RCL1: variants seen among roughly 807,000 people sequenced by gnomAD.
RCL1 encodes the protein RNA 3'-terminal phosphate cyclase-like protein.
A neutral mutation model predicts 42.4 loss-of-function variants in RCL1; 24 were observed. The observed-to-expected ratio is 0.57, with a 90% confidence interval of 0.41 to 0.80. The LOEUF (loss-of-function observed/expected upper bound fraction) is 0.80, where lower values mean the gene tolerates loss of function less well. RCL1 is among the 30% of genes least tolerant of loss of function. The pLI, the probability that RCL1 is intolerant of heterozygous loss-of-function variation, is 0.00. For synonymous variants in RCL1, 228 were observed against 177.3 expected, an observed-to-expected ratio of 1.29 and a Z score of -2.27; for missense variants, 578 against 467.9, an observed-to-expected ratio of 1.24 and a Z score of -2.17.
chr9:4,814,147 T>A (rs184011162), intron 1 of RCL1, among the ~76,000 whole-genome samples: 3 of 151,788 alleles, frequency 2.0e-5, no homozygotes, highest in East Asian at 1.9e-4. Flanking sequence ...AAGTATAATT[T>A]AAAAAAATAC....
At chr9:4,806,179 A>G (rs1198247721) in intron 1 of RCL1, among the ~76,000 whole-genome samples, 1 of 151,702 alleles carries the variant, frequency 6.6e-6, no homozygotes, top group African/African-American at 2.4e-5. Flanking sequence ...CATGTTGTCT[A>G]CAAATAGTAA....
chr9:4,851,098 A>T (rs531761936), intron 8 of RCL1, among the ~76,000 whole-genome samples: 1 of 152,074 alleles, frequency 6.6e-6, no homozygotes, highest in Non-Finnish European at 1.5e-5. Context: ...AGCTTTGCAG[A>T]GATGCTCAAG....
intron 1 of RCL1, among the ~76,000 whole-genome samples, chr9:4,817,611 C>T (rs1474317703): frequency 6.6e-6 from 1 of 151,914 alleles, no homozygotes; most frequent in African/African-American, 2.4e-5. Context: ...CAACCCTGCC[C>T]CCCTGAGTAG....
At chr9:4,834,080 G>C (rs982951603) in intron 4 of RCL1, 61 bp from the exon 5 acceptor site, 1 of 1,570,850 alleles carries the variant, frequency 6.4e-7, no homozygotes, top group Non-Finnish European at 8.7e-7. Context: ...CCTGGGCAGG[G>C]TGTCAGGGTA....
At chr9:4,806,355 T>A (rs539710270) in intron 1 of RCL1, among the ~76,000 whole-genome samples, 26 of 152,196 alleles carry the variant, frequency 1.7e-4, no homozygotes, top group African/African-American at 5.3e-4. Context: ...GTTAGCTATA[T>A]GTTTTATGTA....
At chr9:4,854,221 T>C (rs1301760801) in intron 8 of RCL1, among the ~76,000 whole-genome samples, 2 of 152,186 alleles carry the variant, frequency 1.3e-5, no homozygotes, top group Non-Finnish European at 2.9e-5. Flanking sequence ...CTCCTGACAG[T>C]GCAGCTAGCC....
intron 1 of RCL1, among the ~76,000 whole-genome samples, chr9:4,800,115 A>C (rs538735484): frequency 2.0e-5 from 3 of 152,266 alleles, no homozygotes; most frequent in Admixed American, 6.5e-5. Flanking sequence ...AAAAGATCAC[A>C]AGTCTTTTTA....
chr9:4,837,606 G>A (rs111640192), intron 5 of RCL1, among the ~76,000 whole-genome samples: 84 of 152,332 alleles, frequency 5.5e-4, no homozygotes, highest in African/African-American at 1.9e-3. Flanking sequence ...TTTCATCACA[G>A]TGGGGTCCCC....
chr9:4,850,142 A>G (rs1188067263), intron 8 of RCL1, among the ~76,000 whole-genome samples: 1 of 152,198 alleles, frequency 6.6e-6, no homozygotes, highest in Admixed American at 6.5e-5. Flanking sequence ...AGCATTTCCT[A>G]TTGATAGTAA....
chr9:4,844,968 G>A (rs1211560068), intron 7 of RCL1, among the ~76,000 whole-genome samples: 6 of 152,178 alleles, frequency 3.9e-5, no homozygotes, highest in African/African-American at 2.4e-5. Flanking sequence ...AAAAAAGGAA[G>A]CAGGTAAGGT....
At position 4,801,903 on chromosome 9, in the gene RCL1, C is replaced by T. The variant is rs529586282; in HGVS notation, c.136+8676C>T. Among the ~76,000 whole-genome samples, 283 of 151,562 alleles carry T rather than the reference C, an allele frequency of 1.9e-3. 1 individual carries two copies. Among genetic ancestry groups the T allele is most frequent in the Non-Finnish European group, 3.3e-3 (226 of 67,872 alleles). Reference sequence around the variant, plus strand: ...TTTATATGTCTGTCTCTTGCCAACACGACACAGTCTTTTTTTCTTTTTTTT... The same window carrying T: ...TTTATATGTCTGTCTCTTGCCAACATGACACAGTCTTTTTTTCTTTTTTTT... On this transcript the variant is annotated intron_variant, in intron 1 of 8. Transcript: ENST00000381750.
intron 8 of RCL1, among the ~76,000 whole-genome samples, chr9:4,859,023 A>G (rs1818064621): frequency 1.3e-5 from 2 of 152,162 alleles, no homozygotes; most frequent in African/African-American, 2.4e-5. Flanking sequence ...CCATATGGAC[A>G]TTTCCTACCA....
chr9:4,808,636 A>G (rs1718800186), intron 1 of RCL1, among the ~76,000 whole-genome samples: 1 of 152,150 alleles, frequency 6.6e-6, no homozygotes, highest in East Asian at 1.9e-4. Flanking sequence ...ATGCTCTAGT[A>G]AAATAGGGAT....
At position 4,860,343 on chromosome 9, in the gene RCL1, C is replaced by T. The variant is rs1818131317; in HGVS notation, c.*68C>T. ...GAAGCTGCCACGGACACCAATGGGA[C>T]CAAGTCCAAATGGATTAATCCAGGA... On this transcript the variant is annotated 3_prime_UTR_variant, in exon 9 of 9. Transcript: ENST00000381750. 2.6e-6 allele frequency: 4 copies of T among 1,535,114 alleles called. No homozygotes were observed. The highest frequency in any genetic ancestry group is 3.5e-6 in the Non-Finnish European group (4 of 1,132,480).
intron 1 of RCL1, among the ~76,000 whole-genome samples, chr9:4,820,741 A>G (rs765395068): frequency 9.2e-5 from 14 of 152,226 alleles, no homozygotes; most frequent in Non-Finnish European, 2.1e-4. Context: ...TATAAACCTA[A>G]GTAGAAAGTG....
rs74453103 is a variant in RCL1, at chr9:4,838,861, A to T, written c.585-2371A>T. Among the ~76,000 whole-genome samples, 449 of 152,328 alleles carry T rather than the reference A, an allele frequency of 2.9e-3. 2 individuals are homozygous for T. The highest frequency in any genetic ancestry group is 8.3e-3 in the African/African-American group (347 of 41,576). ...ATAAGAACCTCTGCTTGGGATTTGA[A>T]TCTTGGATAAGTAATAAAGAAAAGC... On this transcript the variant is annotated intron_variant, in intron 5 of 8. Transcript: ENST00000381750.
intron 1 of RCL1, among the ~76,000 whole-genome samples, chr9:4,805,236 C>A (rs768472189): frequency 1.4e-4 from 22 of 152,124 alleles, no homozygotes; most frequent in African/African-American, 5.3e-4. Context: ...CAAACAAAAC[C>A]AAAAACTTTG....
At chr9:4,795,050 A>C (rs1842891752) in intron 1 of RCL1, among the ~76,000 whole-genome samples, 1 of 152,024 alleles carries the variant, frequency 6.6e-6, no homozygotes, top group Non-Finnish European at 1.5e-5. Flanking sequence ...TCAGGGCCTC[A>C]GAAACCTTGT....
At chr9:4,847,659 C>T (rs1308285971) in intron 7 of RCL1, among the ~76,000 whole-genome samples, 1 of 152,228 alleles carries the variant, frequency 6.6e-6, no homozygotes, top group East Asian at 1.9e-4. Flanking sequence ...CTGATCTCTT[C>T]ACTCATGTGC....
Sources: gnomAD v4.1 joint callset for allele counts (sites outside exome capture counted in the v4.1 genomes callset) on GRCh38, gnomAD v4.1.1 for gene constraint, MANE v1.5 for transcripts, NCBI Gene and HGNC (gene_info 2026-07-23, HGNC 2026-07-21) for gene names.